The following CAMKK1 variants were observed in gnomAD, a reference collection of about 807,000 sequenced individuals.
CAMKK1 encodes the protein calcium/calmodulin dependent protein kinase kinase 1, also known as calcium/calmodulin-dependent protein kinase kinase 1.
CAMKK1 carries 20 observed loss-of-function variants against 63.5 expected under a neutral mutation model. The ratio of observed to expected loss-of-function variants is 0.32; its 90% CI spans 0.22 to 0.46. The LOEUF is 0.46. Among genes scored for constraint, CAMKK1 ranks in the 20% least tolerant of loss-of-function variants. The pLI is 1.00. For missense variants in CAMKK1, 588 were observed against 658.1 expected (o/e 0.89, Z 1.17); for synonymous variants, 253 against 269.0 (o/e 0.94, Z 0.58).
At chr17:3,868,156 AACTGATACGTGGGC>A (rs2054634752) in intron 14 of CAMKK1, among the ~76,000 whole-genome samples, 9 of 16,346 alleles carry the variant, frequency 5.5e-4, no homozygotes, top group Non-Finnish European at 8.3e-4. Context: ...GGCGCCGTCT[AACTGATACGTGGGC>A]TCTGGGGGAG....
chr17:3,882,539 T>A lies in CAMKK1; in HGVS notation c.674A>T (p.Asn225Ile). ...IEVLDDPAEDNLYLVFDLLRK... is the reference protein window; with the variant it reads ...IEVLDDPAEDILYLVFDLLRK... ...GCCAGGTCACTCACCCAAATAGAGG[T>A]TGTCCTCAGCTGGGTCATCCAGGAC... Residue 225 changes from asparagine (N) to isoleucine (I), a missense_variant, in exon 7 of 16, where the codon AAC becomes ATC. Physicochemically the swap from Asn to Ile is moderately radical, Grantham distance 149 (BLOSUM62 -3). This residue lies in a region of CAMKK1 where 357 missense variants were observed against 407.4 expected (regional missense o/e 0.88). Coordinates refer to ENST00000348335, the MANE Select transcript of CAMKK1 (RefSeq NM_032294.3). This position sits in a 1 kb window ranked among gnomAD's most constrained non-coding sequence, Gnocchi z 4.3. The A allele has an allele frequency of 6.3e-7, 1 of 1,595,074 alleles. No individual in the cohort carries two copies. The highest frequency in any genetic ancestry group is 8.5e-7 in the Non-Finnish European group (1 of 1,170,366).
chr17:3,864,749 C>T (rs548198298), intron 15 of CAMKK1, among the ~76,000 whole-genome samples: 1 of 152,334 alleles, frequency 6.6e-6, no homozygotes, highest in Admixed American at 6.5e-5. Flanking sequence ...GTTGGGACCT[C>T]CAGGCCTCTC....
intron 10 of CAMKK1, among the ~76,000 whole-genome samples, chr17:3,875,696 T>G (rs2055117950): frequency 6.6e-6 from 1 of 152,188 alleles, no homozygotes; most frequent in Non-Finnish European, 1.5e-5. Context: ...CCCAGGGAAC[T>G]GCGCCAGACC....
Position 3,862,333 on chromosome 17 carries a change from C to T in CAMKK1, c.1446-50G>A, listed in dbSNP as rs2054357027. 1 of 1,365,454 alleles carries T rather than the reference C, an allele frequency of 7.3e-7. No individual in the cohort carries two copies. Among genetic ancestry groups the T allele is most frequent in the Non-Finnish European group, 1.0e-6 (1 of 977,272 alleles). 84.6% of individuals were successfully genotyped at this position (1,365,454 alleles called of 1,614,324 possible). A position where few individuals can be genotyped will look rare whatever the true frequency, so the allele number is the denominator to read the frequency against. On this transcript the variant is annotated intron_variant, in intron 15 of 15. Transcript: ENST00000348335. This position sits in a 1 kb window ranked among gnomAD's most constrained non-coding sequence, Gnocchi z 4.1. ...AGGGACCTCAGGGTCAGAATATGCA[C>T]TCAGGGAGACACTCTCCCTCACACA...
rs1388155193 is a variant in CAMKK1 at position 3,861,144 on chromosome 17, C to A, written c.*1067G>T. The A allele has an allele frequency of 6.6e-6, 1 of 152,384 alleles. No individual in the cohort carries two copies. The highest frequency in any genetic ancestry group is 1.9e-4 in the East Asian group (1 of 5,212). The allele number at this position is 152,384 out of a possible 1,614,324, so 9.4% of individuals were successfully genotyped here. A position where few individuals can be genotyped will look rare whatever the true frequency, so the allele number is the denominator to read the frequency against. ...CAGGGTGAGGCAATTGCCGCAGAGG[C>A]CACCTGCCAGCGTGCACACCCCTCC... On this transcript the variant is annotated 3_prime_UTR_variant, in exon 16 of 16. Coordinates refer to ENST00000348335, the MANE Select transcript of CAMKK1 (RefSeq NM_032294.3).
At chr17:3,872,509 A>G in intron 12 of CAMKK1, 45 bp downstream of exon 12, 1 of 1,527,764 alleles carries the variant, frequency 6.5e-7, no homozygotes, top group Non-Finnish European at 9.1e-7. Flanking sequence ...CTCAGACACC[A>G]GGAGCGGGTG....
chr17:3,872,963 C>A (rs2143827081), intron 11 of CAMKK1, among the ~76,000 whole-genome samples: 1 of 152,334 alleles, frequency 6.6e-6, no homozygotes, highest in African/African-American at 2.4e-5. Context: ...TGAAATTCCC[C>A]CCTGCCCCTT....
chr17:3,867,898 A>G (rs1322727414), intron 14 of CAMKK1, among the ~76,000 whole-genome samples: 1 of 151,716 alleles, frequency 6.6e-6, no homozygotes, highest in Non-Finnish European at 1.5e-5. Context: ...AGCTGAGCAG[A>G]GGAAGAGGAG....
intron 15 of CAMKK1, 133 bp downstream of exon 15, chr17:3,865,775 C>A: frequency 2.7e-6 from 4 of 1,478,934 alleles, no homozygotes; most frequent in Admixed American, 2.3e-5. Flanking sequence ...GCAAATGGGG[C>A]CAACACCGAG....
chr17:3,861,771 C>T lies in CAMKK1; in HGVS notation c.*440G>A, dbSNP rs1319685107. ...CCCAAGGTGGGCAGGGTACCCCCCT[C>T]TCCACCATATGCCTGTGGCAGCTGA... On this transcript the variant is annotated 3_prime_UTR_variant, in exon 16 of 16. Coordinates refer to ENST00000348335, the MANE Select transcript of CAMKK1 (RefSeq NM_032294.3). 2.0e-5 allele frequency: 4 copies of T among 199,818 alleles called. No homozygotes were observed. The Admixed American group carries it at 2.1e-4, about 10-fold the overall frequency. 12.4% of individuals were successfully genotyped at this position (199,818 alleles called of 1,614,324 possible).
In CAMKK1 at chr17:3,883,391, G is replaced by A. The variant is rs1274128756; in HGVS notation, c.514+38C>T. 6.3e-7 allele frequency: 1 copy of A among 1,597,342 alleles called. No homozygotes were observed. Among genetic ancestry groups the A allele is most frequent in the South Asian group, 1.1e-5 (1 of 90,782 alleles). ...TCGAGGTCTCCTCCTCTGCCTCCAG[G>A]CTAGGAGCTCCCAGGGACAGGATCA... On this transcript the variant is annotated intron_variant, in intron 5 of 15. Coordinates refer to ENST00000348335, the MANE Select transcript of CAMKK1 (RefSeq NM_032294.3). This position sits in a 1 kb window ranked among gnomAD's most constrained non-coding sequence, Gnocchi z 4.7.
chr17:3,873,342 C>G lies in CAMKK1; in HGVS notation c.1050+67G>C. 8 of 1,415,298 alleles carry G rather than the reference C, an allele frequency of 5.7e-6. No individual in the cohort carries two copies. The South Asian group carries it at 9.2e-5, about 16-fold the overall frequency. 87.7% of individuals were successfully genotyped at this position (1,415,298 alleles called of 1,614,324 possible). ...CCACTTAAGGACAAAAAGGAAGAGC[C>G]TGCATCCGTCGCCCGTGCCCGCCTC... On this transcript the variant is annotated intron_variant, in intron 11 of 15. Transcript: ENST00000348335.
rs1410386386 is a variant in CAMKK1 at position 3,882,599 on chromosome 17, G to A, written c.649-35C>T. The A allele has an allele frequency of 6.3e-7, 1 of 1,577,266 alleles. No homozygotes were observed. Among genetic ancestry groups the A allele is most frequent in the Admixed American group, 1.8e-5 (1 of 54,694 alleles). On this transcript the variant is annotated intron_variant, in intron 6 of 15. Transcript: ENST00000348335. The surrounding 1 kb of genome is among the most constrained non-coding windows in gnomAD (Gnocchi z 4.3). Reference sequence around the variant, plus strand: ...GGGAGCAGACATGGGGGTGGGGCTTGAGGAGGCGTGGGGTTGGAGGTCCCA... The same window carrying A: ...GGGAGCAGACATGGGGGTGGGGCTTAAGGAGGCGTGGGGTTGGAGGTCCCA...
chr17:3,868,049 G>C (rs1283137190), intron 14 of CAMKK1, among the ~76,000 whole-genome samples: 1 of 118,860 alleles, frequency 8.4e-6, no homozygotes, highest in Admixed American at 7.7e-5. Flanking sequence ...TGATACACAG[G>C]ATCTGGGGGA....
At chr17:3,871,387 C>A (rs2054860982) in intron 12 of CAMKK1, among the ~76,000 whole-genome samples, 1 of 122,942 alleles carries the variant, frequency 8.1e-6, no homozygotes, top group African/African-American at 3.2e-5. Flanking sequence ...CAGAGTCTCG[C>A]TCTGTCGCCC....
chr17:3,874,379 C>CT (rs946187108), intron 10 of CAMKK1, among the ~76,000 whole-genome samples: 21 of 149,680 alleles, frequency 1.4e-4, no homozygotes, highest in East Asian at 3.9e-4. Context: ...TTATGTATGT[C>CT]TTTTTTTTTT....
At position 3,862,345 on chromosome 17, in the gene CAMKK1, C is replaced by A; in HGVS notation, c.1446-62G>T. 8.1e-7 allele frequency: 1 copy of A among 1,235,652 alleles called. No homozygotes were observed. The highest frequency in any genetic ancestry group is 1.3e-5 in the South Asian group (1 of 77,466). The allele number at this position is 1,235,652 out of a possible 1,614,324, so 76.5% of individuals were successfully genotyped here. A position where few individuals can be genotyped will look rare whatever the true frequency, so the allele number is the denominator to read the frequency against. Reference sequence around the variant, plus strand: ...GTCAGAATATGCACTCAGGGAGACACTCTCCCTCACACACACAGGAATCTG... The same window carrying A: ...GTCAGAATATGCACTCAGGGAGACAATCTCCCTCACACACACAGGAATCTG... On this transcript the variant is annotated intron_variant, in intron 15 of 15. Coordinates refer to ENST00000348335, the MANE Select transcript of CAMKK1 (RefSeq NM_032294.3). This position sits in a 1 kb window ranked among gnomAD's most constrained non-coding sequence, Gnocchi z 4.1.
chr17:3,867,244 G>A (rs569930189), intron 14 of CAMKK1, among the ~76,000 whole-genome samples: 1 of 152,346 alleles, frequency 6.6e-6, no homozygotes, highest in Non-Finnish European at 1.5e-5. Context: ...CGAGTCCCGT[G>A]GCCATCGGGG....
At position 3,880,355 on chromosome 17, in the gene CAMKK1, G is replaced by T; in HGVS notation, c.787C>A (p.Leu263Ile). The T allele has an allele frequency of 1.2e-6, 2 of 1,613,932 alleles. No homozygotes were observed. Among genetic ancestry groups the T allele is most frequent in the Non-Finnish European group, 8.5e-7 (1 of 1,179,938 alleles). The part of the protein sequence containing the change: ...RLYLRDVILG[L>I]EYLHCQKIVH... ...GCTGCCCCGCACTCACAGTACTCGAGGCCCAGGATGACGTCCCGCAGGTAG... is the reference window on the plus strand; with the variant it reads ...GCTGCCCCGCACTCACAGTACTCGATGCCCAGGATGACGTCCCGCAGGTAG... The change falls in exon 9 of 16, where the codon CTC becomes ATC. Residue 263 changes from leucine to isoleucine, a missense_variant. Physicochemically the swap from Leu to Ile is conservative, Grantham distance 5. Transcript: ENST00000348335.
Sources: allele counts gnomAD v4.1 joint callset (sites outside exome capture counted in the v4.1 genomes callset), GRCh38; gene constraint gnomAD v4.1.1; regional missense constraint gnomAD v4.1.1; non-coding constraint Gnocchi (gnomAD v3.1); transcripts MANE v1.5; gene names NCBI Gene and HGNC (gene_info 2026-07-23, HGNC 2026-07-21).